Variants in ANXA4 observed in about 807,000 individuals in gnomAD.
ANXA4 encodes the protein annexin A4, also known as 35-beta calcimedin.
ANXA4 carries 39 observed loss-of-function variants against 49.8 expected under a neutral mutation model. The observed-to-expected ratio is 0.78, with a 90% CI of 0.61 to 1.02. ANXA4 has a LOEUF of 1.02. ANXA4 is among the 50% of genes least tolerant of loss of function. ANXA4 has a pLI of 0.00. For synonymous variants in ANXA4, 134 were observed against 152.5 expected (o/e 0.88, Z 0.89); for missense variants, 360 against 410.1 (o/e 0.88, Z 1.05).
At chr2:69,713,983 C>T (rs1379676591) in intron 2 of ANXA4, 2 of 152,310 alleles carry the variant, frequency 1.3e-5, no homozygotes, top group African/African-American at 4.8e-5. Flanking sequence ...TCTACTCTCC[C>T]TTGCTCTGTC....
chr2:69,787,022 G>A (rs1672446451), intron 2 of ANXA4, among the ~76,000 whole-genome samples: 2 of 152,144 alleles, frequency 1.3e-5, no homozygotes, highest in Admixed American at 6.5e-5. Flanking sequence ...ACCACATCCG[G>A]CCTGTTTCTT....
intron 2 of ANXA4, among the ~76,000 whole-genome samples, chr2:69,681,577 C>A (rs2105358049): frequency 6.6e-6 from 1 of 152,236 alleles, no homozygotes; most frequent in East Asian, 1.9e-4. Flanking sequence ...GTTGGTCCAC[C>A]TGCCTGGGCC....
At chr2:69,686,723 TG>T (rs1677801651) in intron 2 of ANXA4, among the ~76,000 whole-genome samples, 1 of 152,220 alleles carries the variant, frequency 6.6e-6, no homozygotes, top group Non-Finnish European at 1.5e-5. Flanking sequence ...CCCAGAGGGC[TG>T]GGATTACAGA....
intron 2 of ANXA4, among the ~76,000 whole-genome samples, chr2:69,708,712 C>A (rs1288572592): frequency 6.6e-6 from 1 of 152,084 alleles, no homozygotes; most frequent in African/African-American, 2.4e-5. Flanking sequence ...AGATGGTCCT[C>A]CAACAATCGA....
rs13401154 is a variant in ANXA4, at chr2:69,769,181, C to T, written c.-46-12339C>T. On this transcript the variant is annotated intron_variant, in intron 1 of 12. Transcript: ENST00000394295. Reference sequence around the variant, plus strand: ...AATATTCTTTGATTTATGCACTATTCGAAGCTTGAGCCTGGGAACTAAGGC... The same window carrying T: ...AATATTCTTTGATTTATGCACTATTTGAAGCTTGAGCCTGGGAACTAAGGC... Among the ~76,000 whole-genome samples, 742 of 152,254 alleles carry T rather than the reference C, an allele frequency of 4.9e-3. 3 individuals are homozygous for T. Among genetic ancestry groups the T allele is most frequent in the African/African-American group, 0.017 (700 of 41,542 alleles).
intron 1 of ANXA4, among the ~76,000 whole-genome samples, chr2:69,745,319 A>T (rs1219145381): frequency 2.0e-5 from 3 of 152,092 alleles, no homozygotes; most frequent in African/African-American, 7.2e-5. Context: ...CTGTCACTAC[A>T]AGTTTAGGCA....
intron 3 of ANXA4, among the ~76,000 whole-genome samples, chr2:69,799,100 C>T (rs1320104103): frequency 6.6e-6 from 1 of 152,172 alleles, no homozygotes; most frequent in South Asian, 2.1e-4. Flanking sequence ...GGTTTAGCTG[C>T]GACCAAGTGT....
At position 69,747,114 on chromosome 2, in the gene ANXA4, C is replaced by G. The variant is rs141342860; in HGVS notation, c.-47+4939C>G. 8.2e-4 allele frequency among the ~76,000 whole-genome samples: 124 copies of G among 152,028 alleles called. No individual in the cohort carries two copies. The Middle Eastern group carries it at 0.017, about 21-fold the overall frequency. On this transcript the variant is annotated intron_variant, in intron 1 of 12. Coordinates refer to ENST00000394295, the MANE Select transcript of ANXA4 (RefSeq NM_001153.5). Reference sequence around the variant, plus strand: ...CCTGACATGTAACAGAGCAGGAAGCCCCCCCATGTCCACCTCTACCTCATT... The same window carrying G: ...CCTGACATGTAACAGAGCAGGAAGCGCCCCCATGTCCACCTCTACCTCATT...
At chr2:69,667,288 T>C (rs1284235743) in intron 2 of ANXA4, among the ~76,000 whole-genome samples, 1 of 151,948 alleles carries the variant, frequency 6.6e-6, no homozygotes, top group African/African-American at 2.4e-5. Flanking sequence ...AAAAAACTAT[T>C]GAATTGTACA....
chr2:69,687,080 G>A (rs979329016), intron 2 of ANXA4, among the ~76,000 whole-genome samples: 3 of 152,282 alleles, frequency 2.0e-5, no homozygotes, highest in Admixed American at 6.5e-5. Context: ...ACTTGCATGA[G>A]CGGTGAGATG....
intron 2 of ANXA4, among the ~76,000 whole-genome samples, chr2:69,657,842 A>C (rs1033156925): frequency 1.3e-5 from 2 of 152,194 alleles, no homozygotes; most frequent in Admixed American, 1.3e-4. Context: ...TATTCACAAG[A>C]TGAATGGGGA....
chr2:69,789,608 C>A (rs950250598), intron 3 of ANXA4, among the ~76,000 whole-genome samples: 1 of 151,916 alleles, frequency 6.6e-6, no homozygotes, highest in African/African-American at 2.4e-5. Flanking sequence ...AGAGAGGGGT[C>A]CCGAGCGGGT....
At chr2:69,791,636 T>C (rs1474042759) in intron 3 of ANXA4, among the ~76,000 whole-genome samples, 1 of 152,254 alleles carries the variant, frequency 6.6e-6, no homozygotes, top group East Asian at 1.9e-4. Flanking sequence ...TTTAGTTTTC[T>C]ATTAGTTCAG....
chr2:69,643,847 G>A (rs1313145994), upstream of ANXA4: 2 of 1,180,420 alleles, frequency 1.7e-6, no homozygotes, highest in Admixed American at 4.6e-5. Context: ...GAGGGACCGG[G>A]GCCTCTCCTG....
chr2:69,651,601 C>T (rs1034987501), intron 1 of ANXA4, among the ~76,000 whole-genome samples: 30 of 151,910 alleles, frequency 2.0e-4, no homozygotes, highest in African/African-American at 6.8e-4. Context: ...CTCCCGGGTT[C>T]ACGCCATTCT....
chr2:69,763,806 G>A (rs1420684174), intron 1 of ANXA4, among the ~76,000 whole-genome samples: 1 of 151,944 alleles, frequency 6.6e-6, no homozygotes, highest in Admixed American at 6.6e-5. Flanking sequence ...GGGATTACAG[G>A]CGTGCGCCAC....
chr2:69,687,081 C>T (rs1420634946), intron 2 of ANXA4, among the ~76,000 whole-genome samples: 1 of 152,154 alleles, frequency 6.6e-6, no homozygotes, highest in South Asian at 2.1e-4. Context: ...CTTGCATGAG[C>T]GGTGAGATGA....
intron 1 of ANXA4, among the ~76,000 whole-genome samples, chr2:69,757,623 C>T (rs1409587289): frequency 6.6e-6 from 1 of 151,288 alleles, no homozygotes; most frequent in Admixed American, 6.6e-5. Context: ...ATTCTTGTTG[C>T]GTGGTGCATA....
At chr2:69,650,275 A>G (rs1158992025) in intron 1 of ANXA4, among the ~76,000 whole-genome samples, 2 of 152,090 alleles carry the variant, frequency 1.3e-5, no homozygotes, top group African/African-American at 4.8e-5. Flanking sequence ...TATAAATGGA[A>G]TAATTAGGTC....
Sources: gnomAD v4.1 joint callset for allele counts (sites outside exome capture counted in the v4.1 genomes callset) on GRCh38, gnomAD v4.1.1 for gene constraint, MANE v1.5 for transcripts, NCBI Gene and HGNC (gene_info 2026-07-23, HGNC 2026-07-21) for gene names.